Variants in PDE7B observed in about 807,000 individuals in gnomAD.
PDE7B encodes the protein 3',5'-cyclic-AMP phosphodiesterase 7B.
Under a neutral mutation model 56.2 loss-of-function variants are expected in PDE7B, and 29 were observed. That is an observed-to-expected ratio of 0.52 (90% CI 0.38 to 0.70). PDE7B has a LOEUF of 0.70. PDE7B is among the 30% of genes least tolerant of loss of function. The pLI is 0.00. For missense variants in PDE7B, 490 were observed against 565.0 expected (o/e 0.87, Z 1.35); for synonymous variants, 197 against 196.9 (o/e 1.00, Z 0.00).
intron 2 of PDE7B, among the ~76,000 whole-genome samples, chr6:136,087,597 A>G (rs1208690585): frequency 6.6e-6 from 1 of 152,212 alleles, no homozygotes; most frequent in African/African-American, 2.4e-5. Context: ...GAGACCTAAA[A>G]TCATTAACCT....
At chr6:135,884,949 G>A (rs73556527) in intron 1 of PDE7B, among the ~76,000 whole-genome samples, 16 of 152,086 alleles carry the variant, frequency 1.1e-4, no homozygotes, top group East Asian at 5.8e-4. Flanking sequence ...TAAATTAAAC[G>A]TCTGCTCTAA....
At chr6:136,184,755 G>C (rs1779118436) in intron 11 of PDE7B, among the ~76,000 whole-genome samples, 2 of 152,144 alleles carry the variant, frequency 1.3e-5, no homozygotes, top group Non-Finnish European at 2.9e-5. Flanking sequence ...CAGTTGAAGT[G>C]GAAGAAGAAT....
intron 1 of PDE7B, among the ~76,000 whole-genome samples, chr6:135,926,309 A>C (rs112896653): frequency 2.1e-4 from 32 of 152,054 alleles, no homozygotes; most frequent in Middle Eastern, 3.4e-3. Context: ...GGATGGTCTC[A>C]ATCTCCTGAC....
chr6:136,049,953 T>C (rs917301034), intron 2 of PDE7B, among the ~76,000 whole-genome samples: 1 of 149,268 alleles, frequency 6.7e-6, no homozygotes, highest in African/African-American at 2.5e-5. Context: ...TTTTTTTTTA[T>C]GGTGAGAAAG....
At chr6:135,884,427 T>C (rs1174489909) in intron 1 of PDE7B, among the ~76,000 whole-genome samples, 1 of 152,204 alleles carries the variant, frequency 6.6e-6, no homozygotes, top group Non-Finnish European at 1.5e-5. Flanking sequence ...TTTTGTGCTC[T>C]TTTCAACCAG....
At chr6:135,985,993 A>G (rs1208431115) in intron 2 of PDE7B, among the ~76,000 whole-genome samples, 1 of 152,174 alleles carries the variant, frequency 6.6e-6, no homozygotes, top group Non-Finnish European at 1.5e-5. Context: ...CATGGGAGCC[A>G]ATTATAATGC....
chr6:136,143,667 A>T (rs1272104156), intron 3 of PDE7B, among the ~76,000 whole-genome samples: 1 of 152,134 alleles, frequency 6.6e-6, no homozygotes, highest in Non-Finnish European at 1.5e-5. Context: ...TGTTGTAAAG[A>T]TAAAAACAGA....
At chr6:136,074,337 T>C (rs1048631996) in intron 2 of PDE7B, among the ~76,000 whole-genome samples, 4 of 152,084 alleles carry the variant, frequency 2.6e-5, no homozygotes, top group African/African-American at 9.7e-5. Context: ...TATGGGTACA[T>C]GAGATATTTT....
At chr6:135,860,254 G>T (rs1168097923) in intron 1 of PDE7B, among the ~76,000 whole-genome samples, 1 of 151,960 alleles carries the variant, frequency 6.6e-6, no homozygotes, top group Non-Finnish European at 1.5e-5. Context: ...TCAGCTTTTT[G>T]CTGACAGTTT....
chr6:135,852,088 GA>G, intron 1 of PDE7B, 69 bp downstream of exon 1: 1 of 1,047,856 alleles, frequency 9.5e-7, no homozygotes, highest in Non-Finnish European at 1.5e-6. Flanking sequence ...GAGATGGCAG[GA>G]TTTTTATTTA....
At chr6:136,131,373 A>C (rs1778113942) in intron 3 of PDE7B, among the ~76,000 whole-genome samples, 1 of 151,944 alleles carries the variant, frequency 6.6e-6, no homozygotes, top group Non-Finnish European at 1.5e-5. Flanking sequence ...GTTTTGGATT[A>C]TGCCCTGACA....
At chr6:135,906,810 G>GTTTTTTTTTTTTTTTTTTTTTTTGT (rs1776114424) in intron 1 of PDE7B, among the ~76,000 whole-genome samples, 1 of 59,506 alleles carries the variant, frequency 1.7e-5, no homozygotes, top group African/African-American at 7.0e-5. Context: ...AATGAGGTTT[G>GTTTTTTTTTTTTTTTTTTTTTTTGT]TTTTTTTTTT....
intron 1 of PDE7B, among the ~76,000 whole-genome samples, chr6:135,923,323 C>T (rs543291420): frequency 1.3e-4 from 20 of 151,982 alleles, no homozygotes; most frequent in East Asian, 1.9e-4. Context: ...ATTACACAGA[C>T]GCAGTATTAC....
intron 1 of PDE7B, among the ~76,000 whole-genome samples, chr6:135,932,817 G>A (rs761293196): frequency 6.6e-6 from 1 of 152,196 alleles, no homozygotes; most frequent in Non-Finnish European, 1.5e-5. Context: ...GGAGACATGA[G>A]CTTGTAGGAC....
chr6:136,111,707 TA>T (rs1777751418), intron 3 of PDE7B, among the ~76,000 whole-genome samples: 1 of 152,230 alleles, frequency 6.6e-6, no homozygotes, highest in South Asian at 2.1e-4. Flanking sequence ...GCTTTATGCC[TA>T]AAGGGAAACA....
intron 1 of PDE7B, among the ~76,000 whole-genome samples, chr6:135,890,271 T>A (rs899764339): frequency 1.3e-5 from 2 of 152,248 alleles, no homozygotes; most frequent in African/African-American, 4.8e-5. Flanking sequence ...AAGAATTTCC[T>A]TACAAAATTA....
At chr6:136,012,139 C>G (rs551552231) in intron 2 of PDE7B, among the ~76,000 whole-genome samples, 3 of 152,246 alleles carry the variant, frequency 2.0e-5, no homozygotes, top group South Asian at 2.1e-4. Flanking sequence ...CCTCCCCAGA[C>G]AGAGCACCCA....
At chr6:136,166,296 A>G (rs768889062) in intron 8 of PDE7B, 1 of 152,262 alleles carries the variant, frequency 6.6e-6, no homozygotes, top group Non-Finnish European at 1.5e-5. Flanking sequence ...TACCTCCCCC[A>G]TCCACATCTC....
At chr6:135,874,892 AT>A (rs1279815445) in intron 1 of PDE7B, among the ~76,000 whole-genome samples, 1 of 152,064 alleles carries the variant, frequency 6.6e-6, no homozygotes, top group African/African-American at 2.4e-5. Context: ...AATTCTGTCA[AT>A]TTTTGCTTTG....
Sources: allele counts gnomAD v4.1 joint callset (sites outside exome capture counted in the v4.1 genomes callset), GRCh38; gene constraint gnomAD v4.1.1; transcripts MANE v1.5; gene names NCBI Gene and HGNC (gene_info 2026-07-23, HGNC 2026-07-21).